Variants in FARS2 observed in about 807,000 individuals in gnomAD.
FARS2 encodes phenylalanyl-tRNA synthetase 2, mitochondrial.
FARS2 carries 40 observed loss-of-function variants against 46.4 expected under a neutral mutation model. That is an observed-to-expected ratio of 0.86 (90% CI 0.67 to 1.12). The LOEUF is 1.12. Among genes scored for constraint, FARS2 ranks in the 50% most tolerant of loss-of-function variants. FARS2 has a pLI of 0.00. For missense variants in FARS2, 513 were observed against 567.9 expected (o/e 0.90, Z 0.98); for synonymous variants, 234 against 214.9 (o/e 1.09, Z -0.78).
chr6:5,300,319 G>A (rs530247448), intron 1 of FARS2, among the ~76,000 whole-genome samples: 2 of 152,320 alleles, frequency 1.3e-5, no homozygotes, highest in African/African-American at 2.4e-5. Flanking sequence ...ATGTCCAAAT[G>A]TTATGTCTGT....
chr6:5,451,700 T>G (rs865828157), intron 4 of FARS2: 2 of 152,240 alleles, frequency 1.3e-5, no homozygotes, highest in Non-Finnish European at 2.9e-5. Flanking sequence ...TTTTGGAGTT[T>G]ATTATGCATA....
At chr6:5,399,869 T>C (rs1022854771) in intron 2 of FARS2, among the ~76,000 whole-genome samples, 2 of 152,198 alleles carry the variant, frequency 1.3e-5, no homozygotes, top group African/African-American at 4.8e-5. Flanking sequence ...TTATTTAACA[T>C]CTTTCCAATG....
At chr6:5,253,342 A>G in the FARS2 span, among the ~76,000 whole-genome samples, 3 of 152,064 alleles carry the variant, frequency 2.0e-5, no homozygotes, top group African/African-American at 7.2e-5. Flanking sequence ...CAGTTTTTGC[A>G]TTGCTGGAAT....
intron 1 of FARS2, among the ~76,000 whole-genome samples, chr6:5,327,566 T>C (rs544429255): frequency 1.1e-3 from 173 of 152,286 alleles, no homozygotes; most frequent in Non-Finnish European, 1.7e-3. Flanking sequence ...CCTGCCACCA[T>C]GTAAGATATA....
At chr6:5,533,742 C>T (rs1024910930) in intron 4 of FARS2, among the ~76,000 whole-genome samples, 1 of 152,096 alleles carries the variant, frequency 6.6e-6, no homozygotes, top group African/African-American at 2.4e-5. Flanking sequence ...GGCTGGGAGA[C>T]CTCACTGAGA....
At chr6:5,682,235 T>G (rs1259236575) in intron 6 of FARS2, among the ~76,000 whole-genome samples, 2 of 152,190 alleles carry the variant, frequency 1.3e-5, no homozygotes, top group African/African-American at 4.8e-5. Flanking sequence ...GGAAACAAAT[T>G]AATATCTATA....
intron 5 of FARS2, among the ~76,000 whole-genome samples, chr6:5,568,763 T>C (rs980056916): frequency 3.9e-5 from 6 of 152,192 alleles, no homozygotes; most frequent in Non-Finnish European, 8.8e-5. Context: ...TGTGATCAGA[T>C]TTCTATTTTA....
intron 4 of FARS2, among the ~76,000 whole-genome samples, chr6:5,481,756 C>T (rs2503801): frequency 0.61 from 92,846 of 151,912 alleles, 28,937 homozygotes; most frequent in Middle Eastern, 0.69. Context: ...GGGGTGTCAG[C>T]ATGCATTCTG....
At chr6:5,371,018 C>T (rs777663445) in intron 2 of FARS2, 97 of 166,238 alleles carry the variant, frequency 5.8e-4, no homozygotes, top group Non-Finnish European at 7.4e-4. Flanking sequence ...TAGTGACTTA[C>T]CCAAAGTTGC....
intron 1 of FARS2, among the ~76,000 whole-genome samples, chr6:5,267,835 C>T (rs1393516421): frequency 2.0e-5 from 3 of 151,868 alleles, no homozygotes; most frequent in African/African-American, 7.3e-5. Context: ...TAAAAGTATT[C>T]CTGTTTCTCC....
chr6:5,704,833 T>C (rs756907364), intron 6 of FARS2, among the ~76,000 whole-genome samples: 1 of 152,214 alleles, frequency 6.6e-6, no homozygotes, highest in African/African-American at 2.4e-5. Context: ...GGCACTGAAC[T>C]CTGGCCTTTG....
In FARS2 at chr6:5,616,427, A is replaced by T. The variant is rs143592470; in HGVS notation, c.1217+3107A>T. ...GGCATGTGACTTGTAATTTTTTCCC[A>T]TTCTTTTTTAGTACAAGTTGAGTAT... On this transcript the variant is annotated intron_variant, in intron 6 of 6. Transcript: ENST00000274680. Among the ~76,000 whole-genome samples, 510 of 152,322 alleles carry T rather than the reference A, an allele frequency of 3.3e-3. 5 individuals are homozygous for T. Among genetic ancestry groups the T allele is most frequent in the Non-Finnish European group, 5.4e-3 (364 of 68,020 alleles).
intron 1 of FARS2, among the ~76,000 whole-genome samples, chr6:5,295,192 G>A (rs1021486595): frequency 1.1e-4 from 17 of 152,176 alleles, no homozygotes; most frequent in African/African-American, 4.1e-4. Flanking sequence ...ACCAAGCTAT[G>A]TGCCGTCATA....
intron 5 of FARS2, among the ~76,000 whole-genome samples, chr6:5,566,588 G>A (rs1014900451): frequency 4.6e-5 from 7 of 151,970 alleles, no homozygotes; most frequent in Non-Finnish European, 1.0e-4. Flanking sequence ...CATTAAGAGT[G>A]GTAAGACACA....
At chr6:5,557,658 G>A (rs1478468152) in intron 5 of FARS2, among the ~76,000 whole-genome samples, 1 of 152,268 alleles carries the variant, frequency 6.6e-6, no homozygotes, top group South Asian at 2.1e-4. Context: ...TGAACAGATG[G>A]TCACTTATGA....
At chr6:5,353,726 G>GTT (rs55998904) in intron 1 of FARS2, among the ~76,000 whole-genome samples, 3,291 of 40,222 alleles carry the variant, frequency 0.082, 348 homozygotes, top group Middle Eastern at 0.1. Context: ...AATATTTGGT[G>GTT]TTTTTTTTTT....
chr6:5,694,339 C>A (rs1399787083), intron 6 of FARS2, among the ~76,000 whole-genome samples: 2 of 152,228 alleles, frequency 1.3e-5, no homozygotes, highest in African/African-American at 4.8e-5. Flanking sequence ...AAAAAAGCTA[C>A]TGCCACTCTG....
intron 5 of FARS2, among the ~76,000 whole-genome samples, chr6:5,561,546 G>A (rs1393967447): frequency 1.3e-5 from 2 of 152,090 alleles, no homozygotes; most frequent in Non-Finnish European, 2.9e-5. Flanking sequence ...TTTCTTTGTA[G>A]ATAATAATGC....
chr6:5,442,315 C>T (rs188254355), intron 4 of FARS2, among the ~76,000 whole-genome samples: 1 of 151,766 alleles, frequency 6.6e-6, no homozygotes, highest in East Asian at 1.9e-4. Context: ...TTTGTCATTT[C>T]TATGTATTGC....
Sources: gnomAD v4.1 joint callset for allele counts (sites outside exome capture counted in the v4.1 genomes callset) on GRCh38, gnomAD v4.1.1 for gene constraint, MANE v1.5 for transcripts, NCBI Gene and HGNC (gene_info 2026-07-23, HGNC 2026-07-21) for gene names.